SBF2: variants seen among roughly 807,000 people sequenced by gnomAD.
SBF2 encodes the protein myotubularin-related protein 13.
In SBF2, 112 loss-of-function variants were observed where a neutral mutation model predicts 225.2. The observed-to-expected ratio is 0.50, with a 90% CI of 0.43 to 0.58. SBF2 has a LOEUF of 0.58. Ranked by LOEUF, SBF2 falls within the 20% of genes least tolerant of loss-of-function variation. The pLI is 0.00. For missense variants in SBF2, 1,996 were observed against 2,206.2 expected, an observed-to-expected ratio of 0.90 and a Z score of 1.91; for synonymous variants, 763 against 773.3, an observed-to-expected ratio of 0.99 and a Z score of 0.22.
intron 9 of SBF2, among the ~76,000 whole-genome samples, chr11:9,994,577 CATATATAT>C (rs377348270): frequency 7.5e-6 from 1 of 134,080 alleles, no homozygotes; most frequent in African/African-American, 2.9e-5. Context: ...TATATATGTA[CATATATAT>C]ATATATATGA....
At chr11:10,056,910 T>C (rs1271087536) in intron 2 of SBF2, among the ~76,000 whole-genome samples, 1 of 152,144 alleles carries the variant, frequency 6.6e-6, no homozygotes, top group Non-Finnish European at 1.5e-5. Flanking sequence ...AACTGCTCTA[T>C]TAAAATGTGG....
chr11:9,921,172 G>A (rs1242438970), intron 16 of SBF2, among the ~76,000 whole-genome samples: 1 of 147,602 alleles, frequency 6.8e-6, no homozygotes, highest in African/African-American at 2.5e-5. Context: ...TCGGGTTCAA[G>A]CGATTCTCCT....
At chr11:10,256,892 G>C (rs568004250) in intron 1 of SBF2, among the ~76,000 whole-genome samples, 1 of 152,244 alleles carries the variant, frequency 6.6e-6, no homozygotes, top group Non-Finnish European at 1.5e-5. Flanking sequence ...AACGAAGTCT[G>C]ACACAAGAAT....
At chr11:10,197,915 GTC>G in intron 1 of SBF2, among the ~76,000 whole-genome samples, 1 of 152,298 alleles carries the variant, frequency 6.6e-6, no homozygotes, top group South Asian at 2.1e-4. Context: ...TAGCAATTCA[GTC>G]ACATCTTCAG....
intron 17 of SBF2, among the ~76,000 whole-genome samples, chr11:9,883,936 G>T (rs1257849991): frequency 6.6e-6 from 1 of 152,136 alleles, no homozygotes; most frequent in Admixed American, 6.5e-5. Context: ...AGTGTCTACT[G>T]GTGAAGTATG....
At chr11:10,175,659 G>C (rs1295427904) in intron 2 of SBF2, among the ~76,000 whole-genome samples, 1 of 150,238 alleles carries the variant, frequency 6.7e-6, no homozygotes, top group Non-Finnish European at 1.5e-5. Context: ...GCACCAAGCG[G>C]ACCTAACAGA....
In SBF2 at chr11:9,789,313, G is replaced by C. The variant is rs1852585765; in HGVS notation, c.4728C>G (p.Ser1576Arg). The C allele has an allele frequency of 4.3e-6, 7 of 1,614,076 alleles. No homozygotes were observed. In the East Asian group the frequency reaches 1.6e-4, roughly 36 times the overall value. The change falls in exon 35 of 40, where the codon AGC becomes AGG. Residue 1576 changes from serine to arginine, a missense_variant. Coordinates refer to ENST00000256190, the MANE Select transcript of SBF2 (RefSeq NM_030962.4). ...EALKPNVNVS[S>R]LKKWDYYIEE... is the part of the protein sequence containing the mutation. The stretch of plus-strand genomic sequence containing the variant: ...CTATGTAGTAATCCCACTTCTTGAG[G>C]CTAGAGACGTTTACATTGGGCTTTA...
intron 2 of SBF2, among the ~76,000 whole-genome samples, chr11:10,126,149 T>C (rs1409821549): frequency 6.6e-6 from 1 of 152,212 alleles, no homozygotes; most frequent in East Asian, 1.9e-4. Context: ...AAAATGTAAT[T>C]GTCTCATCTA....
rs535683091 is a variant in SBF2, at chr11:9,884,615, A to C, written c.1929+11328T>G. Among the ~76,000 whole-genome samples, 3 of 152,244 alleles carry C rather than the reference A, an allele frequency of 2.0e-5. No homozygotes were observed. The East Asian group carries it at 5.8e-4, about 29-fold the overall frequency. On this transcript the variant is annotated intron_variant, in intron 17 of 39. Coordinates refer to ENST00000256190, the MANE Select transcript of SBF2 (RefSeq NM_030962.4). Reference sequence around the variant, plus strand: ...TTGCAAATTTCACTTTTCTTGGAGCACAACGGAAGAGAAGTCAAGCATTTG... The same window carrying C: ...TTGCAAATTTCACTTTTCTTGGAGCCCAACGGAAGAGAAGTCAAGCATTTG...
chr11:10,284,990 A>AC (rs1963651424), intron 1 of SBF2, among the ~76,000 whole-genome samples: 1 of 152,056 alleles, frequency 6.6e-6, no homozygotes, highest in Non-Finnish European at 1.5e-5. Flanking sequence ...TGTTAATTGA[A>AC]AAGACACTTT....
rs186466366 is a variant in SBF2 at position 10,080,368 on chromosome 11, G to C, written c.142-37387C>G. Among the ~76,000 whole-genome samples the C allele has an allele frequency of 7.3e-5, 11 of 151,038 alleles. No individual in the cohort carries two copies. In the East Asian group the frequency reaches 2.1e-3, roughly 29 times the overall value. ...TGATGGAATTCATCACCACTAGACC[G>C]GTCCTATCAAAAAAACTCAAAGAAG... On this transcript the variant is annotated intron_variant, in intron 2 of 39. Transcript: ENST00000256190.
chr11:10,212,330 C>T (rs760289882), intron 1 of SBF2, among the ~76,000 whole-genome samples: 2 of 152,176 alleles, frequency 1.3e-5, no homozygotes, highest in Admixed American at 6.5e-5. Flanking sequence ...TGTCCTGAGT[C>T]GCTGGGAATT....
In SBF2 at chr11:10,184,350, CT is replaced by C. The variant is rs956168225; in HGVS notation, c.141+9551del. ...TAGTATAAGTCTTCCAAACTTTGTTCTTTTTTTCCCAGATAGTTTTTGGCTA... is the reference window on the plus strand; with the variant it reads ...TAGTATAAGTCTTCCAAACTTTGTTCTTTTTTCCCAGATAGTTTTTGGCTA... On this transcript the variant is annotated intron_variant, in intron 2 of 39. Transcript: ENST00000256190. Among the ~76,000 whole-genome samples, 8 of 152,014 alleles carry C rather than the reference CT, an allele frequency of 5.3e-5. No individual in the cohort carries two copies. The South Asian group carries it at 6.2e-4, about 12-fold the overall frequency.
intron 29 of SBF2, among the ~76,000 whole-genome samples, chr11:9,814,748 A>G (rs1205842668): frequency 6.6e-6 from 1 of 152,214 alleles, no homozygotes; most frequent in African/African-American, 2.4e-5. Flanking sequence ...CTTTTCAGGA[A>G]AGGTAGATTC....
intron 23 of SBF2, 147 bp from the exon 24 acceptor site, chr11:9,845,887 A>C (rs1856508639): frequency 1.4e-6 from 1 of 711,726 alleles, no homozygotes; most frequent in East Asian, 2.7e-5. Flanking sequence ...TTAAATTTTT[A>C]AAAATAAAAA....
upstream of SBF2, among the ~76,000 whole-genome samples, chr11:10,295,357 G>A (rs941971497): frequency 2.6e-5 from 4 of 152,174 alleles, no homozygotes; most frequent in East Asian, 7.7e-4. Flanking sequence ...TCTGAACTGA[G>A]AGAGTTGACA....
Position 9,816,893 on chromosome 11 carries a change from G to A in SBF2, c.3925C>T (p.Leu1309Phe), listed in dbSNP as rs1564879807. ...TAAAGGGCTGCTTGCCGTTTCAAGA[G>A]CTGGTTTTGTAGGTAGCTGCTGTTA... Reference protein sequence around the residue: ...FSNSSYLQNQLLKRQAALYIF... With the variant: ...FSNSSYLQNQFLKRQAALYIF... Residue 1309 changes from leucine to phenylalanine, a missense_variant, in exon 29 of 40, where the codon CTC (leucine) becomes TTC (phenylalanine). Transcript: ENST00000256190. The A allele has an allele frequency of 3.7e-6, 6 of 1,614,176 alleles. No homozygotes were observed. Among genetic ancestry groups the A allele is most frequent in the Non-Finnish European group, 5.1e-6 (6 of 1,180,030 alleles).
At chr11:9,947,614 G>A (rs1865637879) in intron 16 of SBF2, among the ~76,000 whole-genome samples, 1 of 152,174 alleles carries the variant, frequency 6.6e-6, no homozygotes, top group African/African-American at 2.4e-5. Flanking sequence ...AAGTGAAGCG[G>A]CATCTATGCT....
intron 16 of SBF2, among the ~76,000 whole-genome samples, chr11:9,934,209 A>G (rs955729235): frequency 2.6e-5 from 4 of 152,280 alleles, no homozygotes; most frequent in African/African-American, 9.6e-5. Context: ...AAAATCTAGA[A>G]GAAATGGATA....
Sources: allele counts gnomAD v4.1 joint callset (sites outside exome capture counted in the v4.1 genomes callset), GRCh38; gene constraint gnomAD v4.1.1; transcripts MANE v1.5; gene names NCBI Gene and HGNC (gene_info 2026-07-23, HGNC 2026-07-21).